The following ACO1 variants were observed in gnomAD, a reference collection of about 807,000 sequenced individuals.
ACO1 encodes the protein cytoplasmic aconitate hydratase.
Under a neutral mutation model 105.1 loss-of-function variants are expected in ACO1, and 78 were observed. The observed-to-expected ratio is 0.74, with a 90% CI of 0.62 to 0.90. The LOEUF (loss-of-function observed/expected upper bound fraction) is 0.90, where lower values mean the gene tolerates loss of function less well. Ranked by LOEUF, ACO1 falls within the 40% of genes least tolerant of loss-of-function variation. The pLI, the probability that ACO1 is intolerant of heterozygous loss-of-function variation, is 0.00. For synonymous variants in ACO1, 364 were observed against 397.4 expected (o/e 0.92, Z 1.00); for missense variants, 965 against 1,111.1 (o/e 0.87, Z 1.87).
chr9:32,426,705 T>TGG (rs1822108142), intron 11 of ACO1, among the ~76,000 whole-genome samples: 2 of 152,164 alleles, frequency 1.3e-5, no homozygotes, highest in African/African-American at 4.8e-5. Context: ...TGTCTGTGGC[T>TGG]TTTTGTCCCC....
At chr9:32,392,642 T>C (rs1284419784) in intron 1 of ACO1, among the ~76,000 whole-genome samples, 1 of 152,204 alleles carries the variant, frequency 6.6e-6, no homozygotes, top group African/African-American at 2.4e-5. Flanking sequence ...GTTCATTGGC[T>C]CTGCCAGTTT....
rs547529168 is a variant in ACO1, at chr9:32,442,544, TTAAGCTTAA to T, written c.2370+1960_2370+1968del. On this transcript the variant is annotated intron_variant, in intron 19 of 20. Coordinates refer to ENST00000309951, the MANE Select transcript of ACO1 (RefSeq NM_002197.3). ...TTATAGATTCCCAATAAAACATACT[TTAAGCTTAA>T]TATCAAGACTATATTCAACACAATT... 5.9e-3 allele frequency among the ~76,000 whole-genome samples: 892 copies of T among 152,340 alleles called. 3 individuals are homozygous for T. The highest frequency in any genetic ancestry group is 0.01 in the Non-Finnish European group (693 of 68,030).
intron 1 of ACO1, among the ~76,000 whole-genome samples, chr9:32,399,580 A>C (rs1821444044): frequency 6.6e-6 from 1 of 152,232 alleles, no homozygotes; most frequent in Non-Finnish European, 1.5e-5. Context: ...GAAATGATTT[A>C]AGGACCTACT....
intron 13 of ACO1, 141 bp from the exon 14 acceptor site, chr9:32,430,277 C>T (rs972265755): frequency 1.3e-6 from 1 of 759,568 alleles, no homozygotes. Context: ...GTACCCTTCT[C>T]CCCTCTAGTG....
rs991548131 is a variant in ACO1 at position 32,452,081 on chromosome 9, TACAA to T, written c.*1978_*1981del. On this transcript the variant is annotated 3_prime_UTR_variant, in exon 21 of 21. Transcript: ENST00000309951. Reference sequence around the variant, plus strand: ...CTCCGTCTCAAAAAAAAAAAAAAATTACAAACAAACAGAACTCCATTGTACAAAA... The same window carrying T: ...CTCCGTCTCAAAAAAAAAAAAAAATTACAAACAGAACTCCATTGTACAAAA... 2.7e-5 allele frequency: 4 copies of T among 150,082 alleles called. No individual in the cohort carries two copies. Among genetic ancestry groups the T allele is most frequent in the South Asian group, 4.2e-4 (2 of 4,784 alleles). The allele number at this position is 150,082 out of a possible 1,614,324, so 9.3% of individuals were successfully genotyped here. A position where few individuals can be genotyped will look rare whatever the true frequency, so the allele number is the denominator to read the frequency against.
chr9:32,388,468 G>T (rs141281922), intron 1 of ACO1, among the ~76,000 whole-genome samples: 213 of 152,218 alleles, frequency 1.4e-3, no homozygotes, highest in Non-Finnish European at 2.5e-3. Flanking sequence ...AGTCCAGGCT[G>T]CAGTGAGCCA....
rs950610317 is a variant in ACO1 at position 32,403,779 on chromosome 9, C to T, written c.-22-1706C>T. On this transcript the variant is annotated intron_variant, in intron 1 of 20. Transcript: ENST00000309951. ...GTGAATGACCCATCTTGCTCAGTCCCGTGAGCGTTTCCCACCACTTCCCCT... is the reference window on the plus strand; with the variant it reads ...GTGAATGACCCATCTTGCTCAGTCCTGTGAGCGTTTCCCACCACTTCCCCT... Among the ~76,000 whole-genome samples the T allele has an allele frequency of 2.6e-5, 4 of 152,128 alleles. No individual in the cohort carries two copies. The East Asian group carries it at 5.8e-4, about 22-fold the overall frequency.
chr9:32,412,549 A>G (rs1040407506), intron 4 of ACO1, among the ~76,000 whole-genome samples: 2 of 152,326 alleles, frequency 1.3e-5, no homozygotes, highest in South Asian at 4.1e-4. Context: ...CTAACATCCA[A>G]ACCAGATAAA....
rs1158295945 is a variant in ACO1 at position 32,423,408 on chromosome 9, G to C, written c.1060G>C (p.Asp354His). The change falls in exon 9 of 21, where the codon GAC (aspartate) becomes CAC (histidine). Residue 354 changes from aspartate to histidine, a missense_variant. By Grantham distance (81) the Asp-to-His change is moderately conservative. Transcript: ENST00000309951. ...RDFNDPSQDP[D>H]FTQVVELDLK... is the part of the protein sequence containing the mutation. ...TTTCAATGACCCTTCTCAAGACCCA[G>C]ACTTCACCCAGGTATGAGAGTGCCT... 2.1e-5 allele frequency: 33 copies of C among 1,598,472 alleles called. No homozygotes were observed. Among genetic ancestry groups the C allele is most frequent in the Non-Finnish European group, 2.7e-5 (32 of 1,172,648 alleles).
In ACO1 at chr9:32,450,197, TCTGGGAGGGGTGCTGC is replaced by T; in HGVS notation, c.*89_*104del. The T allele has an allele frequency of 9.6e-7, 1 of 1,045,828 alleles. No individual in the cohort carries two copies. The allele number at this position is 1,045,828 out of a possible 1,614,324, so 64.8% of individuals were successfully genotyped here. Reference sequence around the variant, plus strand: ...TGGTGGAGAGGCCTCCCTGGCTGCCTCTGGGAGGGGTGCTGCCTTGTAGATGGAGCAAGTGAGCACT... The same window carrying T: ...TGGTGGAGAGGCCTCCCTGGCTGCCTCTTGTAGATGGAGCAAGTGAGCACT... On this transcript the variant is annotated 3_prime_UTR_variant, in exon 21 of 21. Transcript: ENST00000309951.
At chr9:32,447,049 A>G (rs1267940485) in intron 19 of ACO1, among the ~76,000 whole-genome samples, 3 of 152,128 alleles carry the variant, frequency 2.0e-5, no homozygotes, top group South Asian at 4.1e-4. Flanking sequence ...GAATCTGACA[A>G]TTATGGGTCT....
chr9:32,396,504 C>T (rs1821375564), intron 1 of ACO1, among the ~76,000 whole-genome samples: 2 of 152,156 alleles, frequency 1.3e-5, no homozygotes. Flanking sequence ...CCTTGGTCTC[C>T]TTGGCCTTCC....
intron 1 of ACO1, among the ~76,000 whole-genome samples, chr9:32,399,969 T>TTTG (rs1821457389): frequency 1.8e-5 from 1 of 55,136 alleles, no homozygotes; most frequent in African/African-American, 5.6e-5. Flanking sequence ...TTTTTCTGTT[T>TTTG]TTTTTTTTTT....
intron 4 of ACO1, among the ~76,000 whole-genome samples, chr9:32,409,574 C>A (rs892167562): frequency 6.6e-6 from 1 of 152,122 alleles, no homozygotes; most frequent in African/African-American, 2.4e-5. Flanking sequence ...TCGTTGGCCA[C>A]GTGCAGTGGC....
At chr9:32,424,412 GCTTC>G in intron 9 of ACO1, 133 bp from the exon 10 acceptor site, 1 of 645,842 alleles carries the variant, frequency 1.5e-6, no homozygotes, top group Non-Finnish European at 2.8e-6. Context: ...AGAAACACTG[GCTTC>G]CTTGTTTTGG....
At chr9:32,440,350 G>T in intron 18 of ACO1, 115 bp from the exon 19 acceptor site, 2 of 1,047,974 alleles carry the variant, frequency 1.9e-6, no homozygotes, top group Non-Finnish European at 2.8e-6. Flanking sequence ...CAAGATGATT[G>T]GACGGATTTG....
intron 19 of ACO1, among the ~76,000 whole-genome samples, chr9:32,445,021 A>G (rs995197642): frequency 7.9e-5 from 12 of 152,134 alleles, no homozygotes; most frequent in Non-Finnish European, 1.0e-4. Flanking sequence ...GTTTTCCAGT[A>G]TTTTATTGAG....
At chr9:32,416,661 C>T (rs966471099) in intron 4 of ACO1, among the ~76,000 whole-genome samples, 3 of 152,146 alleles carry the variant, frequency 2.0e-5, no homozygotes, top group Admixed American at 6.6e-5. Context: ...GCAGTGAGCA[C>T]ACAGCTTTTG....
chr9:32,428,654 C>T (rs545685664), intron 12 of ACO1, among the ~76,000 whole-genome samples: 8 of 151,994 alleles, frequency 5.3e-5, no homozygotes, highest in East Asian at 3.9e-4. Flanking sequence ...CTGGCTAACA[C>T]GGTGAAACCC....
Sources: gnomAD v4.1 joint callset for allele counts (sites outside exome capture counted in the v4.1 genomes callset) on GRCh38, gnomAD v4.1.1 for gene constraint, MANE v1.5 for transcripts, NCBI Gene and HGNC (gene_info 2026-07-23, HGNC 2026-07-21) for gene names.